NRXN3: variants seen among roughly 807,000 people sequenced by gnomAD.
The protein encoded by NRXN3 is neurexin 3.
Under a neutral mutation model 137.6 loss-of-function variants are expected in NRXN3, and 32 were observed. The ratio of observed to expected loss-of-function variants is 0.23; its 90% CI spans 0.18 to 0.31. The LOEUF (loss-of-function observed/expected upper bound fraction) is 0.31, where lower values mean the gene tolerates loss of function less well. NRXN3 is among the 10% of genes least tolerant of loss of function. The pLI is 1.00. For missense variants in NRXN3, 1,574 were observed against 2,062.5 expected, an observed-to-expected ratio of 0.76 and a Z score of 4.59; for synonymous variants, 798 against 784.5, an observed-to-expected ratio of 1.02 and a Z score of -0.29.
At position 78,803,789 on chromosome 14, in the gene NRXN3, G is replaced by T; in HGVS notation, c.2214G>T (p.Leu738=). ...CTGCCGACACCCTGCGTCTGGAGCT[G>T]GATGGGGGGCGTGTCAAGCTCATGG... The part of the protein sequence containing the change: ...RDSADTLRLE[L]DGGRVKLMVN... Residue 738 remains leucine (L), a synonymous_variant, in exon 9 of 21, where the codon CTG becomes CTT. Coordinates refer to ENST00000335750, the MANE Select transcript of NRXN3 (RefSeq NM_001330195.2). The T allele has an allele frequency of 1.9e-6, 3 of 1,614,010 alleles. No individual in the cohort carries two copies. Among genetic ancestry groups the T allele is most frequent in the Non-Finnish European group, 2.5e-6 (3 of 1,180,016 alleles).
intron 20 of NRXN3, among the ~76,000 whole-genome samples, chr14:79,811,906 C>CCCCAA (rs1321695992): frequency 4.4e-4 from 67 of 152,122 alleles, no homozygotes; most frequent in African/African-American, 1.6e-3. Context: ...TTTATAACAG[C>CCCCAA]CCCAACCCAA....
intron 4 of NRXN3, among the ~76,000 whole-genome samples, chr14:78,320,166 A>AGT (rs1261793178): frequency 1.3e-5 from 2 of 152,198 alleles, no homozygotes; most frequent in African/African-American, 4.8e-5. Flanking sequence ...GAAAGGTTAA[A>AGT]GTGTGTGTCT....
chr14:78,711,925 A>G (rs1269314530), intron 7 of NRXN3, among the ~76,000 whole-genome samples: 1 of 152,258 alleles, frequency 6.6e-6, no homozygotes, highest in Non-Finnish European at 1.5e-5. Context: ...ACTAAAGGAT[A>G]GTTATAAAAA....
chr14:79,504,419 A>G (rs1386381267), intron 16 of NRXN3, among the ~76,000 whole-genome samples: 1 of 151,668 alleles, frequency 6.6e-6, no homozygotes, highest in East Asian at 1.9e-4. Flanking sequence ...AATTTTCAGA[A>G]TTTTATCTAT....
intron 15 of NRXN3, among the ~76,000 whole-genome samples, chr14:79,298,425 G>T (rs2153220963): frequency 6.6e-6 from 1 of 152,134 alleles, no homozygotes; most frequent in Middle Eastern, 3.4e-3. Context: ...GCTACAGAAG[G>T]CCAGGTGATC....
At chr14:79,762,341 A>C (rs1360269884) in intron 19 of NRXN3, among the ~76,000 whole-genome samples, 1 of 151,690 alleles carries the variant, frequency 6.6e-6, no homozygotes, top group Non-Finnish European at 1.5e-5. Context: ...CGCATGCTCA[A>C]GTAGTTAGAA....
At chr14:78,619,725 T>C (rs900963084) in intron 4 of NRXN3, among the ~76,000 whole-genome samples, 18 of 152,060 alleles carry the variant, frequency 1.2e-4, no homozygotes, top group Admixed American at 3.9e-4. Flanking sequence ...CCTTCCACCA[T>C]GATTGTAAAT....
intron 15 of NRXN3, among the ~76,000 whole-genome samples, chr14:79,255,348 C>G (rs889541760): frequency 1.3e-5 from 2 of 152,176 alleles, no homozygotes; most frequent in Non-Finnish European, 2.9e-5. Context: ...CTGATGATAG[C>G]TAATAGGTAC....
intron 15 of NRXN3, among the ~76,000 whole-genome samples, chr14:79,442,131 C>G (rs1211174482): frequency 6.6e-6 from 1 of 152,018 alleles, no homozygotes. Context: ...TGTGTAATGA[C>G]AGAACAAGGA....
At chr14:78,975,671 A>G (rs1230277252) in intron 14 of NRXN3, among the ~76,000 whole-genome samples, 1 of 152,200 alleles carries the variant, frequency 6.6e-6, no homozygotes, top group Admixed American at 6.5e-5. Context: ...GGGAAGAGAC[A>G]TGCCCCCAGT....
chr14:79,411,450 G>A (rs2153515411), intron 15 of NRXN3, among the ~76,000 whole-genome samples: 1 of 152,068 alleles, frequency 6.6e-6, no homozygotes, highest in East Asian at 1.9e-4. Context: ...CTTACATCTT[G>A]TCACATTGTA....
In NRXN3 at chr14:79,735,302, T is replaced by C. The variant is rs183628761; in HGVS notation, c.4014+37365T>C. ...AAAGTGGGCTATTATGTACATTATT[T>C]TACAATGCAGTATGTTAGTTGTCAA... On this transcript the variant is annotated intron_variant, in intron 19 of 20. Coordinates refer to ENST00000335750, the MANE Select transcript of NRXN3 (RefSeq NM_001330195.2). 3.3e-5 allele frequency among the ~76,000 whole-genome samples: 5 copies of C among 152,304 alleles called. No individual in the cohort carries two copies. The East Asian group carries it at 9.6e-4, about 29-fold the overall frequency.
chr14:78,903,540 GA>G (rs1460210434), intron 10 of NRXN3, among the ~76,000 whole-genome samples: 1 of 151,992 alleles, frequency 6.6e-6, no homozygotes, highest in Non-Finnish European at 1.5e-5. Context: ...GAATGGAGGT[GA>G]AATAAAGGAA....
chr14:78,760,030 C>T (rs2098686636), intron 8 of NRXN3, among the ~76,000 whole-genome samples: 1 of 140,964 alleles, frequency 7.1e-6, no homozygotes, highest in African/African-American at 2.8e-5. Flanking sequence ...CCAGAGCCTG[C>T]AGTCTTTTTT....
At chr14:79,809,633 G>A (rs1464971255) in intron 20 of NRXN3, among the ~76,000 whole-genome samples, 3 of 152,192 alleles carry the variant, frequency 2.0e-5, no homozygotes, top group Non-Finnish European at 4.4e-5. Flanking sequence ...ATTCAGAAGT[G>A]TATCTGAATA....
At position 79,495,427 on chromosome 14, in the gene NRXN3, AT is replaced by A. The variant is rs201886655; in HGVS notation, c.3444+28035del. Among the ~76,000 whole-genome samples, 18 of 150,480 alleles carry A rather than the reference AT, an allele frequency of 1.2e-4. 1 individual carries two copies. Among genetic ancestry groups the A allele is most frequent in the Non-Finnish European group, 2.1e-4 (14 of 67,582 alleles). ...GTTGGGAACTCTTCTTTCTTTCTAC[AT>A]TTTTTTTTTCTTTTTGAAAGTCCAC... is the stretch of plus-strand genomic sequence containing the variant. On this transcript the variant is annotated intron_variant, in intron 16 of 20. Coordinates refer to ENST00000335750, the MANE Select transcript of NRXN3 (RefSeq NM_001330195.2).
chr14:78,496,538 C>A (rs1050914164), intron 4 of NRXN3, among the ~76,000 whole-genome samples: 1 of 151,956 alleles, frequency 6.6e-6, no homozygotes. Context: ...GTTTTAGGAA[C>A]CTGGAATGCT....
At chr14:79,694,522 CATAT>C (rs35732903) in intron 18 of NRXN3, among the ~76,000 whole-genome samples, 1 of 151,224 alleles carries the variant, frequency 6.6e-6, no homozygotes, top group Non-Finnish European at 1.5e-5. Flanking sequence ...TAAATATGCA[CATAT>C]ATATATATGT....
chr14:78,783,010 C>T (rs1386902123), intron 8 of NRXN3, among the ~76,000 whole-genome samples: 4 of 152,138 alleles, frequency 2.6e-5, no homozygotes, highest in African/African-American at 7.2e-5. Flanking sequence ...ATATTGCAAG[C>T]AAGATCACTG....
Sources: gnomAD v4.1 joint callset for allele counts (sites outside exome capture counted in the v4.1 genomes callset) on GRCh38, gnomAD v4.1.1 for gene constraint, MANE v1.5 for transcripts, NCBI Gene and HGNC (gene_info 2026-07-23, HGNC 2026-07-21) for gene names.